The following GALNT16 variants were observed in gnomAD, a reference collection of about 807,000 sequenced individuals.
GALNT16 encodes polypeptide N-acetylgalactosaminyltransferase 16.
GALNT16 carries 40 observed loss-of-function variants against 76.1 expected under a neutral mutation model. The observed-to-expected ratio is 0.53, with a 90% CI of 0.41 to 0.68. The LOEUF (loss-of-function observed/expected upper bound fraction) is 0.68, where lower values mean the gene tolerates loss of function less well. Ranked by LOEUF, GALNT16 falls within the 30% of genes least tolerant of loss-of-function variation. The probability of loss-of-function intolerance (pLI) is 0.00; values close to 1 mark genes in which losing one functional copy is unlikely to be tolerated. For synonymous variants in GALNT16, 276 were observed against 285.2 expected (o/e 0.97, Z 0.32); for missense variants, 621 against 731.9 (o/e 0.85, Z 1.75).
chr14:69,281,160 C>T (rs1306845132), intron 1 of GALNT16, among the ~76,000 whole-genome samples: 1 of 152,152 alleles, frequency 6.6e-6, no homozygotes, highest in East Asian at 1.9e-4. Flanking sequence ...CCTGGTCCAT[C>T]GTGAGCACCT....
rs920824858 is a variant in GALNT16, at chr14:69,341,893, A to C, written c.1271+129A>C. 1.6e-4 allele frequency: 104 copies of C among 669,304 alleles called. No homozygotes were observed. The African/African-American group carries it at 1.6e-3, about 10-fold the overall frequency. The allele number at this position is 669,304 out of a possible 1,614,324, so 41.5% of individuals were successfully genotyped here. On this transcript the variant is annotated intron_variant, in intron 12 of 14. Transcript: ENST00000448469. ...TCTGGCTTTCTAGCTGCCGGGTTTT[A>C]TCTTCACGTGACGGCTGTGGGGGAA...
intron 1 of GALNT16, among the ~76,000 whole-genome samples, chr14:69,285,247 A>G (rs972015261): frequency 2.0e-5 from 3 of 152,010 alleles, no homozygotes; most frequent in Non-Finnish European, 4.4e-5. Flanking sequence ...TCACCGTGTT[A>G]GCCAGGATGG....
chr14:69,342,682 A>C lies in GALNT16; in HGVS notation c.1271+918A>C, dbSNP rs146503036. 1.7e-3 allele frequency among the ~76,000 whole-genome samples: 252 copies of C among 152,302 alleles called. 2 individuals are homozygous for C. The highest frequency in any genetic ancestry group is 5.8e-3 in the African/African-American group (241 of 41,562). ...AAATGTTTGCTCTGGCAAATGAGAA[A>C]ACAAAATGCAAATGATGTGTGCACT... On this transcript the variant is annotated intron_variant, in intron 12 of 14. Transcript: ENST00000448469.
At chr14:69,348,383 C>T (rs2045593859) in intron 14 of GALNT16, 4 of 400,646 alleles carry the variant, frequency 1.0e-5, no homozygotes, top group Non-Finnish European at 1.8e-5. Context: ...CACCCAGTGA[C>T]GTGGGTTCTA....
chr14:69,330,452 A>G (rs976836423), intron 6 of GALNT16, among the ~76,000 whole-genome samples: 17 of 152,350 alleles, frequency 1.1e-4, no homozygotes, highest in Admixed American at 3.3e-4. Flanking sequence ...TGATGGTTGT[A>G]CAATCTTGTG....
At chr14:69,381,781 T>A in the GALNT16 span, among the ~76,000 whole-genome samples, 2 of 152,118 alleles carry the variant, frequency 1.3e-5, no homozygotes, top group Non-Finnish European at 2.9e-5. Context: ...CTCTGCCACC[T>A]GGGTTCACAT....
intron 1 of GALNT16, among the ~76,000 whole-genome samples, chr14:69,282,417 C>T (rs2044556181): frequency 6.6e-6 from 1 of 152,196 alleles, no homozygotes; most frequent in African/African-American, 2.4e-5. Flanking sequence ...CTGCCTAGAA[C>T]ACCCCTAGCT....
At chr14:69,284,593 G>A (rs2044585050) in intron 1 of GALNT16, among the ~76,000 whole-genome samples, 2 of 152,190 alleles carry the variant, frequency 1.3e-5, no homozygotes, top group South Asian at 4.1e-4. Flanking sequence ...TCAGCAAAAT[G>A]CTGTGACTTG....
At chr14:69,364,428 T>A in the GALNT16 span, among the ~76,000 whole-genome samples, 1 of 152,206 alleles carries the variant, frequency 6.6e-6, no homozygotes, top group Non-Finnish European at 1.5e-5. This position sits in a 1 kb window ranked among gnomAD's most constrained non-coding sequence, Gnocchi z 4.2. Context: ...TGGGGATGCA[T>A]CTACCTTGTT....
chr14:69,322,560 T>C (rs2045204115), intron 2 of GALNT16, among the ~76,000 whole-genome samples: 1 of 152,144 alleles, frequency 6.6e-6, no homozygotes, highest in Non-Finnish European at 1.5e-5. Context: ...TAGTGGTGGG[T>C]TGATGAGGTG....
intron 2 of GALNT16, 49 bp downstream of exon 2, chr14:69,320,917 A>T: frequency 6.4e-7 from 1 of 1,556,856 alleles, no homozygotes; most frequent in Non-Finnish European, 8.8e-7. Context: ...AGAGAAAGCC[A>T]ACATTGTTTA....
At chr14:69,365,256 G>A in the GALNT16 span, among the ~76,000 whole-genome samples, 8 of 152,284 alleles carry the variant, frequency 5.3e-5, no homozygotes, top group African/African-American at 1.9e-4. Flanking sequence ...AGGCTTTAGT[G>A]AAAAATGAAA....
intron 1 of GALNT16, among the ~76,000 whole-genome samples, chr14:69,290,268 C>G (rs187921375): frequency 7.7e-4 from 118 of 152,302 alleles, no homozygotes; most frequent in Non-Finnish European, 1.3e-3. Flanking sequence ...TCTTAGGAGG[C>G]AGCTGTTGTT....
chr14:69,378,964 GTC>G, the GALNT16 span, among the ~76,000 whole-genome samples: 1 of 151,894 alleles, frequency 6.6e-6, no homozygotes, highest in African/African-American at 2.4e-5. Context: ...TTGAGACAGA[GTC>G]TCTGTCACCC....
the GALNT16 span, among the ~76,000 whole-genome samples, chr14:69,362,036 G>A: frequency 6.6e-6 from 1 of 152,158 alleles, no homozygotes; most frequent in Non-Finnish European, 1.5e-5. Context: ...TAAAGTCACA[G>A]GGCAGGAAAT....
intron 9 of GALNT16, 146 bp from the exon 10 acceptor site, chr14:69,338,505 G>C (rs2045442233): frequency 9.6e-7 from 1 of 1,044,842 alleles, no homozygotes; most frequent in Admixed American, 2.4e-5. Context: ...TGCAAGGAGT[G>C]GGAGCACTCC....
intron 1 of GALNT16, among the ~76,000 whole-genome samples, chr14:69,315,266 GA>G (rs1277009159): frequency 7.2e-5 from 11 of 152,150 alleles, no homozygotes; most frequent in Admixed American, 5.2e-4. Context: ...CCATTTTATA[GA>G]AAAAAGTCAT....
chr14:69,279,807 T>C (rs748355751), intron 1 of GALNT16, among the ~76,000 whole-genome samples: 36 of 152,190 alleles, frequency 2.4e-4, no homozygotes, highest in Non-Finnish European at 4.6e-4. Flanking sequence ...GGTCATCTCA[T>C]GGGATTGTAG....
chr14:69,332,780 TCTAA>T (rs2045368359), intron 7 of GALNT16, among the ~76,000 whole-genome samples: 2 of 152,082 alleles, frequency 1.3e-5, no homozygotes, highest in African/African-American at 2.4e-5. Flanking sequence ...TCCTGACTAT[TCTAA>T]CTAAAATATT....
Sources: allele counts gnomAD v4.1 joint callset (sites outside exome capture counted in the v4.1 genomes callset), GRCh38; gene constraint gnomAD v4.1.1; non-coding constraint Gnocchi (gnomAD v3.1); transcripts MANE v1.5; gene names NCBI Gene and HGNC (gene_info 2026-07-23, HGNC 2026-07-21).